The following NOS1 variants were observed in gnomAD, a reference collection of about 807,000 sequenced individuals.
NOS1 encodes NOS type I.
In NOS1, 51 loss-of-function variants were observed where a neutral mutation model predicts 164.5. That is an observed-to-expected ratio of 0.31 (90% CI 0.25 to 0.39). The LOEUF (loss-of-function observed/expected upper bound fraction) is 0.39, where lower values mean the gene tolerates loss of function less well. Among genes scored for constraint, NOS1 ranks in the 10% least tolerant of loss-of-function variants. The probability of loss-of-function intolerance (pLI) is 1.00; values close to 1 mark genes in which losing one functional copy is unlikely to be tolerated. For synonymous variants in NOS1, 719 were observed against 745.8 expected, an observed-to-expected ratio of 0.96 and a Z score of 0.59; for missense variants, 1,362 against 1,885.6, an observed-to-expected ratio of 0.72 and a Z score of 5.14.
chr12:117,267,512 G>A (rs1407120034), intron 11 of NOS1, among the ~76,000 whole-genome samples: 3 of 151,856 alleles, frequency 2.0e-5, no homozygotes, highest in African/African-American at 4.8e-5. Context: ...GCTTGGACCC[G>A]GGAGGTGGAG....
At chr12:117,232,367 A>C (rs901572863) in intron 21 of NOS1, among the ~76,000 whole-genome samples, 21 of 152,068 alleles carry the variant, frequency 1.4e-4, no homozygotes, top group African/African-American at 5.1e-4. Context: ...ACATGAAGAG[A>C]GGAGAAAAAT....
Position 117,234,435 on chromosome 12 carries a change from A to G in NOS1, c.3235+130T>C. The G allele has an allele frequency of 1.1e-6, 1 of 921,820 alleles. No individual in the cohort carries two copies. Among genetic ancestry groups the G allele is most frequent in the South Asian group, 1.7e-5 (1 of 57,338 alleles). 57.1% of individuals were successfully genotyped at this position (921,820 alleles called of 1,614,324 possible). A position where few individuals can be genotyped will look rare whatever the true frequency, so the allele number is the denominator to read the frequency against. Reference sequence around the variant, plus strand: ...GAGAAAGGGGGATATCTTTAGTCTCATAGGCTGTTAGCAACAGACACCCAC... The same window carrying G: ...GAGAAAGGGGGATATCTTTAGTCTCGTAGGCTGTTAGCAACAGACACCCAC... On this transcript the variant is annotated intron_variant, in intron 21 of 28. Transcript: ENST00000317775. The surrounding 1 kb of genome is among the most constrained non-coding windows in gnomAD (Gnocchi z 4.3).
In NOS1 at chr12:117,209,871, A is replaced by G. The variant is rs909260628; in HGVS notation, c.*5438T>C. 1.0e-6 allele frequency: 1 copy of G among 985,508 alleles called. No homozygotes were observed. Among genetic ancestry groups the G allele is most frequent in the South Asian group, 4.7e-5 (1 of 21,288 alleles). 61.0% of individuals were successfully genotyped at this position (985,508 alleles called of 1,614,324 possible). On this transcript the variant is annotated 3_prime_UTR_variant, in exon 29 of 29. Coordinates refer to ENST00000317775, the MANE Select transcript of NOS1 (RefSeq NM_000620.5). ...CCAGGCCAGGTTGGCCTCCAAAGTC[A>G]AATCCCTGTTCATGGGGAACATCTA...
Position 117,218,032 on chromosome 12 carries a change from T to C in NOS1, c.4289+14A>G, listed in dbSNP as rs748210758. ...GCTCTTCCTGCCCCTCACCCAGGGA[T>C]GGAGCCAGCTTACTCATCGGTGTCT... On this transcript the variant is annotated intron_variant, in intron 28 of 28. Transcript: ENST00000317775. 7 of 1,577,598 alleles carry C rather than the reference T, an allele frequency of 4.4e-6. No homozygotes were observed. The highest frequency in any genetic ancestry group is 3.3e-5 in the South Asian group (3 of 90,278).
intron 3 of NOS1, among the ~76,000 whole-genome samples, chr12:117,296,837 T>C (rs1246717482): frequency 6.6e-6 from 1 of 152,176 alleles, no homozygotes; most frequent in Non-Finnish European, 1.5e-5. Context: ...GGTGGCCTTA[T>C]ATGAAAAGGA....
At chr12:117,337,314 C>A (rs1172241391) in intron 1 of NOS1, among the ~76,000 whole-genome samples, 3 of 151,882 alleles carry the variant, frequency 2.0e-5, no homozygotes, top group Non-Finnish European at 4.4e-5. Flanking sequence ...GATGGGGTTT[C>A]ACCATGTTAG....
At chr12:117,218,647 G>A (rs994367677) in intron 27 of NOS1, among the ~76,000 whole-genome samples, 7 of 152,070 alleles carry the variant, frequency 4.6e-5, no homozygotes, top group African/African-American at 9.7e-5. Context: ...TGGAGACTCC[G>A]TGGGCATGCG....
intron 1 of NOS1, among the ~76,000 whole-genome samples, chr12:117,342,878 G>A (rs1011270654): frequency 1.3e-5 from 2 of 151,530 alleles, no homozygotes; most frequent in African/African-American, 2.4e-5. Flanking sequence ...GAAGTGGGTC[G>A]ATTTAAGAGA....
intron 1 of NOS1, among the ~76,000 whole-genome samples, chr12:117,336,673 G>A (rs1367718455): frequency 1.3e-5 from 2 of 152,088 alleles, no homozygotes; most frequent in Non-Finnish European, 2.9e-5. Context: ...ACAAAGACTA[G>A]TATGAGAAAA....
chr12:117,218,999 G>T (rs1224007813), intron 27 of NOS1, among the ~76,000 whole-genome samples: 5 of 145,430 alleles, frequency 3.4e-5, no homozygotes, highest in African/African-American at 1.3e-4. Context: ...TTTTTTTTGA[G>T]ACAGAGTCTC....
At chr12:117,326,912 C>G (rs1875280118) in intron 2 of NOS1, among the ~76,000 whole-genome samples, 1 of 152,160 alleles carries the variant, frequency 6.6e-6, no homozygotes, top group Non-Finnish European at 1.5e-5. Context: ...AGACTGTCGG[C>G]TGGGGGAGAG....
At chr12:117,219,661 T>C (rs1201177030) in intron 27 of NOS1, among the ~76,000 whole-genome samples, 2 of 151,980 alleles carry the variant, frequency 1.3e-5, no homozygotes, top group African/African-American at 4.8e-5. Flanking sequence ...TAAAAGTGTG[T>C]CTAGAGGGTC....
At chr12:117,326,189 C>T (rs1210304599) in intron 2 of NOS1, among the ~76,000 whole-genome samples, 1 of 152,008 alleles carries the variant, frequency 6.6e-6, no homozygotes, top group African/African-American at 2.4e-5. Flanking sequence ...AGTTCAGGAC[C>T]AGCCTGGCCA....
intron 1 of NOS1, among the ~76,000 whole-genome samples, chr12:117,351,553 C>T (rs924916358): frequency 2.6e-5 from 4 of 152,180 alleles, no homozygotes; most frequent in African/African-American, 9.7e-5. Context: ...CAAATCTTCA[C>T]CTCCATTGCC....
intron 3 of NOS1, among the ~76,000 whole-genome samples, chr12:117,305,442 C>A (rs1477352084): frequency 6.9e-6 from 1 of 145,292 alleles, no homozygotes; most frequent in South Asian, 2.1e-4. Context: ...CTTGCCTGGG[C>A]GACTGAGTGA....
chr12:117,291,529 CTT>C (rs565345654), intron 3 of NOS1, among the ~76,000 whole-genome samples: 3,355 of 97,282 alleles, frequency 0.034, 144 homozygotes, highest in African/African-American at 0.13. Flanking sequence ...TTACATCTGT[CTT>C]TTTTTTTTTT....
chr12:117,208,939 T>A lies in NOS1; in HGVS notation c.*6370A>T. On this transcript the variant is annotated 3_prime_UTR_variant, in exon 29 of 29. Transcript: ENST00000317775. ...GGTTTTGCCATGTTAGCCAGGTTGG[T>A]CTCTAACTCCCAGCCTCAAGTGATC... 3 of 778,670 alleles carry A rather than the reference T, an allele frequency of 3.9e-6. No homozygotes were observed. Among genetic ancestry groups the A allele is most frequent in the Non-Finnish European group, 4.7e-6 (3 of 641,238 alleles). 48.2% of individuals were successfully genotyped at this position (778,670 alleles called of 1,614,324 possible).
At chr12:117,325,056 C>T (rs1239644412) in intron 2 of NOS1, among the ~76,000 whole-genome samples, 1 of 152,224 alleles carries the variant, frequency 6.6e-6, no homozygotes, top group Non-Finnish European at 1.5e-5. Context: ...ATGGCTCCCA[C>T]CTCAGCTTGG....
In NOS1 at chr12:117,278,102, C is replaced by A. The variant is rs1873331122; in HGVS notation, c.1525-4G>T. ...TCCAGCCCTGCTGTATGCATATCTG[C>A]AAGCAGACCCGGCCAGGTAATGCCA... On this transcript the variant is annotated splice_polypyrimidine_tract_variant and splice_region_variant and intron_variant, in intron 8 of 28. Coordinates refer to ENST00000317775, the MANE Select transcript of NOS1 (RefSeq NM_000620.5). 4 of 1,609,198 alleles carry A rather than the reference C, an allele frequency of 2.5e-6. No homozygotes were observed. The South Asian group carries it at 4.4e-5, about 18-fold the overall frequency.
Sources: allele counts gnomAD v4.1 joint callset (sites outside exome capture counted in the v4.1 genomes callset), GRCh38; gene constraint gnomAD v4.1.1; non-coding constraint Gnocchi (gnomAD v3.1); transcripts MANE v1.5; gene names NCBI Gene and HGNC (gene_info 2026-07-23, HGNC 2026-07-21).